DISC1: variants seen among roughly 807,000 people sequenced by gnomAD.
DISC1 encodes the protein DISC1 scaffold protein.
DISC1 carries 57 observed loss-of-function variants against 84.5 expected under a neutral mutation model. The ratio of observed to expected loss-of-function variants is 0.67; its 90% CI spans 0.55 to 0.84. DISC1 has a LOEUF of 0.84. DISC1 is among the 40% of genes least tolerant of loss of function. The pLI, the probability that DISC1 is intolerant of heterozygous loss-of-function variation, is 0.00. For synonymous variants in DISC1, 411 were observed against 415.2 expected, an observed-to-expected ratio of 0.99 and a Z score of 0.12; for missense variants, 1,000 against 1,057.8, an observed-to-expected ratio of 0.95 and a Z score of 0.76.
intron 9 of DISC1, among the ~76,000 whole-genome samples, chr1:231,946,139 C>T (rs1025691697): frequency 6.6e-6 from 1 of 152,210 alleles, no homozygotes; most frequent in African/African-American, 2.4e-5. Flanking sequence ...GATACCAAAA[C>T]CTGGCAGAGA....
intron 6 of DISC1, among the ~76,000 whole-genome samples, chr1:231,784,019 T>C (rs6541282): frequency 0.45 from 67,772 of 151,902 alleles, 15,330 homozygotes; most frequent in Admixed American, 0.51. Flanking sequence ...ATCCCAACAC[T>C]TTGGGAGGCC....
chr1:232,025,648 G>C (rs950994796), intron 11 of DISC1, among the ~76,000 whole-genome samples: 2 of 149,014 alleles, frequency 1.3e-5, no homozygotes, highest in Non-Finnish European at 3.0e-5. Context: ...CCAGGCTGGA[G>C]TGCAGTGGTG....
Position 232,017,572 on chromosome 1 carries a change from A to G in DISC1, c.2307+8523A>G, listed in dbSNP as rs1404773482. Among the ~76,000 whole-genome samples, 5 of 149,042 alleles carry G rather than the reference A, an allele frequency of 3.4e-5. No homozygotes were observed. In the Admixed American group the frequency reaches 3.4e-4, roughly 10 times the overall value. ...GATAGGCAAATGTACTTTTGTGGAT[A>G]GGTATTGCTGATGCCTTATTACACA... On this transcript the variant is annotated intron_variant, in intron 11 of 12. Coordinates refer to ENST00000439617, the MANE Select transcript of DISC1 (RefSeq NM_018662.3).
intron 10 of DISC1, among the ~76,000 whole-genome samples, chr1:232,004,660 T>C (rs1667110699): frequency 2.0e-5 from 3 of 152,048 alleles, no homozygotes; most frequent in Non-Finnish European, 4.4e-5. Flanking sequence ...CACAGAATAG[T>C]GGAGAAATAC....
chr1:231,718,059 C>T (rs1393118592), intron 3 of DISC1, among the ~76,000 whole-genome samples: 2 of 152,158 alleles, frequency 1.3e-5, no homozygotes, highest in East Asian at 3.9e-4. Context: ...TTTCAGCTCT[C>T]CCGGGACATG....
chr1:231,701,488 T>A (rs2066412665), intron 2 of DISC1, among the ~76,000 whole-genome samples: 1 of 152,360 alleles, frequency 6.6e-6, no homozygotes, highest in East Asian at 1.9e-4. Context: ...AGAAGGGTTT[T>A]GTGAGAGCTT....
intron 1 of DISC1, among the ~76,000 whole-genome samples, chr1:231,691,786 G>T (rs2125638857): frequency 6.6e-6 from 1 of 152,292 alleles, no homozygotes; most frequent in East Asian, 1.9e-4. Flanking sequence ...AGTAGTGCGT[G>T]TGCCTGAGGG....
intron 9 of DISC1, among the ~76,000 whole-genome samples, chr1:231,926,186 A>T (rs2090349729): frequency 6.6e-6 from 1 of 152,216 alleles, no homozygotes; most frequent in African/African-American, 2.4e-5. Flanking sequence ...GAACTTGGTG[A>T]AAAAGTAAAA....
intron 3 of DISC1, chr1:231,723,985 G>A: frequency 1.3e-5 from 13 of 985,426 alleles, no homozygotes; most frequent in Non-Finnish European, 1.6e-5. Flanking sequence ...CCATGACCCT[G>A]TATATACATA....
chr1:231,902,017 A>C (rs1357569917), intron 9 of DISC1, among the ~76,000 whole-genome samples: 1 of 151,864 alleles, frequency 6.6e-6, no homozygotes, highest in Non-Finnish European at 1.5e-5. Flanking sequence ...AATATTTATT[A>C]TATTTATCAT....
intron 1 of DISC1, among the ~76,000 whole-genome samples, chr1:231,674,604 C>G (rs1244707075): frequency 6.6e-6 from 1 of 152,218 alleles, no homozygotes; most frequent in Non-Finnish European, 1.5e-5. Flanking sequence ...GCAGCCTCAG[C>G]TTGGTGATCT....
chr1:231,752,979 C>T (rs1386877536), intron 4 of DISC1, among the ~76,000 whole-genome samples: 1 of 152,240 alleles, frequency 6.6e-6, no homozygotes, highest in Non-Finnish European at 1.5e-5. Context: ...GCTCCCATAA[C>T]CTTGGGCAGC....
intron 3 of DISC1, among the ~76,000 whole-genome samples, chr1:231,733,860 G>A (rs1018552567): frequency 2.0e-5 from 3 of 151,290 alleles, no homozygotes; most frequent in South Asian, 2.1e-4. Context: ...TGATGGTAGG[G>A]GTGGTGGTGA....
chr1:231,824,144 A>C (rs2081691267), intron 9 of DISC1, among the ~76,000 whole-genome samples: 1 of 152,146 alleles, frequency 6.6e-6, no homozygotes, highest in Non-Finnish European at 1.5e-5. Context: ...CGACCTATGT[A>C]TAAGAAAACT....
chr1:231,706,719 A>T (rs2067139589), intron 3 of DISC1, among the ~76,000 whole-genome samples: 1 of 152,242 alleles, frequency 6.6e-6, no homozygotes, highest in African/African-American at 2.4e-5. Context: ...ATAAACATTT[A>T]TATACAATGA....
At chr1:231,789,919 T>A (rs1467232230) in intron 6 of DISC1, among the ~76,000 whole-genome samples, 1 of 152,190 alleles carries the variant, frequency 6.6e-6, no homozygotes, top group African/African-American at 2.4e-5. Flanking sequence ...ATAATAATTT[T>A]AAAATCATAA....
chr1:232,031,271 AAAG>A lies in DISC1; in HGVS notation c.2425+4722_2425+4724del. On this transcript the variant is annotated intron_variant, in intron 12 of 12. Coordinates refer to ENST00000439617, the MANE Select transcript of DISC1 (RefSeq NM_018662.3). The surrounding 1 kb of genome is among the most constrained non-coding windows in gnomAD (Gnocchi z 4.6). ...GAAGGAAGGAGAAAGAAAGATAAAGAAAGAAAAAGAAAGAAAAGAGGAAGGAAG... is the reference window on the plus strand; with the variant it reads ...GAAGGAAGGAGAAAGAAAGATAAAGAAAAAAGAAAGAAAAGAGGAAGGAAG... 7.1e-6 allele frequency among the ~76,000 whole-genome samples: 1 copy of A among 141,602 alleles called. No homozygotes were observed. Among genetic ancestry groups the A allele is most frequent in the Middle Eastern group, 3.6e-3 (1 of 280 alleles). 92.9% of individuals were successfully genotyped at this position (141,602 alleles called of 152,430 possible). A position where few individuals can be genotyped will look rare whatever the true frequency, so the allele number is the denominator to read the frequency against.
chr1:231,814,320 C>T (rs1305134033), intron 8 of DISC1, among the ~76,000 whole-genome samples: 1 of 152,120 alleles, frequency 6.6e-6, no homozygotes. Flanking sequence ...ATATGAATTT[C>T]AGTGAACATA....
At chr1:231,781,606 C>T (rs2077440204) in intron 6 of DISC1, among the ~76,000 whole-genome samples, 1 of 152,202 alleles carries the variant, frequency 6.6e-6, no homozygotes, top group Non-Finnish European at 1.5e-5. Context: ...TCGATTTCAA[C>T]TTTTAGTTTC....
Sources: gnomAD v4.1 joint callset for allele counts (sites outside exome capture counted in the v4.1 genomes callset) on GRCh38, gnomAD v4.1.1 for gene constraint, Gnocchi (gnomAD v3.1) non-coding constraint, MANE v1.5 for transcripts, NCBI Gene and HGNC (gene_info 2026-07-23, HGNC 2026-07-21) for gene names.